MROH9: variants seen among roughly 807,000 people sequenced by gnomAD.
MROH9 encodes maestro heat like repeat family member 9.
In MROH9, 92 loss-of-function variants were observed where a neutral mutation model predicts 98.2. That is an observed-to-expected ratio of 0.94 (90% CI 0.79 to 1.11). MROH9 has a LOEUF of 1.11. Ranked by LOEUF, MROH9 falls within the 50% of genes most tolerant of loss-of-function variation. The pLI, the probability that MROH9 is intolerant of heterozygous loss-of-function variation, is 0.00. For synonymous variants in MROH9, 397 were observed against 368.9 expected, an observed-to-expected ratio of 1.08 and a Z score of -0.87; for missense variants, 1,057 against 1,014.8, an observed-to-expected ratio of 1.04 and a Z score of -0.57.
chr1:170,992,383 A>C, intron 12 of MROH9, 54 bp downstream of exon 12: 1 of 1,553,712 alleles, frequency 6.4e-7, no homozygotes, highest in Non-Finnish European at 8.7e-7. Flanking sequence ...CTGATTGTGA[A>C]AATCCCTATC....
At chr1:171,052,572 A>C (rs1653705010) in intron 20 of MROH9, among the ~76,000 whole-genome samples, 1 of 152,192 alleles carries the variant, frequency 6.6e-6, no homozygotes, top group African/African-American at 2.4e-5. Context: ...CTCTACTCAG[A>C]AAGGGAAGGG....
intron 19 of MROH9, among the ~76,000 whole-genome samples, chr1:171,025,025 T>A (rs925309506): frequency 1.3e-5 from 2 of 152,128 alleles, no homozygotes; most frequent in Non-Finnish European, 2.9e-5. Flanking sequence ...GGTATTAAGG[T>A]AGGAAGAACA....
rs1006664341 is a variant in MROH9, at chr1:171,056,760, C to T, written c.2282-5372C>T. On this transcript the variant is annotated intron_variant, in intron 20 of 21. Transcript: ENST00000367759. The stretch of plus-strand genomic sequence containing the variant: ...TGCCCCTGCCAGAAGATGGAGCAGG[C>T]ACCCATCTTTGCTGTTCTCCAGCCT... Among the ~76,000 whole-genome samples, 8 of 152,312 alleles carry T rather than the reference C, an allele frequency of 5.3e-5. No individual in the cohort carries two copies. In the East Asian group the frequency reaches 9.7e-4, roughly 18 times the overall value.
chr1:170,964,772 C>A (rs946999142), intron 6 of MROH9, among the ~76,000 whole-genome samples: 4 of 151,856 alleles, frequency 2.6e-5, no homozygotes, highest in South Asian at 2.1e-4. Flanking sequence ...CTCTTTAAAG[C>A]TGAAAGGCAG....
chr1:171,037,092 T>C (rs984931154), intron 20 of MROH9, among the ~76,000 whole-genome samples: 2 of 151,944 alleles, frequency 1.3e-5, no homozygotes, highest in African/African-American at 2.4e-5. Context: ...TTCTTTTATA[T>C]ACTTTTAATT....
At chr1:171,055,471 A>T (rs944926462) in intron 20 of MROH9, among the ~76,000 whole-genome samples, 1 of 152,004 alleles carries the variant, frequency 6.6e-6, no homozygotes, top group Admixed American at 6.5e-5. Flanking sequence ...AAATACTAAA[A>T]AATTAGCCAG....
intron 11 of MROH9, among the ~76,000 whole-genome samples, chr1:170,990,236 C>G (rs1273947025): frequency 6.6e-6 from 1 of 152,168 alleles, no homozygotes; most frequent in Non-Finnish European, 1.5e-5. Context: ...AAGATATGAC[C>G]AATGTCACTA....
chr1:170,952,023 A>G (rs1200449364), intron 3 of MROH9, among the ~76,000 whole-genome samples: 1 of 152,166 alleles, frequency 6.6e-6, no homozygotes, highest in Non-Finnish European at 1.5e-5. Context: ...TGGCCATCAG[A>G]GAAATGCAAA....
At chr1:170,996,383 T>C (rs1009892148) in intron 13 of MROH9, 124 bp from the exon 14 acceptor site, 12 of 1,030,094 alleles carry the variant, frequency 1.2e-5, no homozygotes, top group African/African-American at 1.6e-5. Context: ...TCTTTTTCCA[T>C]TGAGACATCC....
intron 8 of MROH9, among the ~76,000 whole-genome samples, chr1:170,973,646 C>T (rs918383674): frequency 3.3e-5 from 5 of 152,134 alleles, no homozygotes; most frequent in African/African-American, 9.7e-5. Flanking sequence ...GAGGCCGAGG[C>T]GGGCAGATCA....
chr1:171,038,228 C>T (rs1353814559), intron 20 of MROH9, among the ~76,000 whole-genome samples: 1 of 151,770 alleles, frequency 6.6e-6, no homozygotes, highest in Non-Finnish European at 1.5e-5. Context: ...GAAAAATGGA[C>T]GAAGTACACA....
intron 15 of MROH9, among the ~76,000 whole-genome samples, chr1:170,999,590 G>A (rs1651717614): frequency 6.6e-6 from 1 of 152,056 alleles, no homozygotes; most frequent in Admixed American, 6.6e-5. Flanking sequence ...ATGGGCATTT[G>A]GGTTGGTTCC....
At chr1:171,046,111 A>T (rs1653465531) in intron 20 of MROH9, among the ~76,000 whole-genome samples, 1 of 151,774 alleles carries the variant, frequency 6.6e-6, no homozygotes, top group South Asian at 2.1e-4. Flanking sequence ...AAGTATAGTG[A>T]CTCTTCTGAT....
At chr1:171,063,981 A>C in intron 21 of MROH9, 118 bp from the exon 22 acceptor site, 2 of 1,006,258 alleles carry the variant, frequency 2.0e-6, no homozygotes, top group Non-Finnish European at 2.9e-6. Flanking sequence ...GAGGGAATGC[A>C]GAGGAGAGAT....
chr1:171,016,157 A>G lies in MROH9; in HGVS notation c.1735-6A>G. On this transcript the variant is annotated splice_polypyrimidine_tract_variant and splice_region_variant and intron_variant, in intron 16 of 21. Transcript: ENST00000367759. ...AAATCCCACCATTTTTTCCTTTTAT[A>G]TGTAGACAGAAAATGTCAGCAGTAT... 1 of 1,449,024 alleles carries G rather than the reference A, an allele frequency of 6.9e-7. No homozygotes were observed. The highest frequency in any genetic ancestry group is 9.1e-7 in the Non-Finnish European group (1 of 1,097,794). The allele number at this position is 1,449,024 out of a possible 1,614,324, so 89.8% of individuals were successfully genotyped here. A position where few individuals can be genotyped will look rare whatever the true frequency, so the allele number is the denominator to read the frequency against.
chr1:170,976,425 A>T (rs1355170484), intron 8 of MROH9, among the ~76,000 whole-genome samples: 2 of 152,136 alleles, frequency 1.3e-5, no homozygotes, highest in African/African-American at 4.8e-5. Context: ...GCCAGATATG[A>T]AATTCTTGGT....
At chr1:171,006,446 G>A (rs11486182) in intron 15 of MROH9, among the ~76,000 whole-genome samples, 13,905 of 151,902 alleles carry the variant, frequency 0.092, 758 homozygotes, top group Middle Eastern at 0.17. Flanking sequence ...GAATCTAGAT[G>A]TTCTCTCTCT....
At chr1:170,943,160 T>C (rs1200098457) in intron 1 of MROH9, among the ~76,000 whole-genome samples, 1 of 151,640 alleles carries the variant, frequency 6.6e-6, no homozygotes, top group Non-Finnish European at 1.5e-5. Context: ...ACTGGAAAAA[T>C]ATCAAACGGC....
At chr1:171,029,224 G>A in intron 20 of MROH9, among the ~76,000 whole-genome samples, 1 of 147,194 alleles carries the variant, frequency 6.8e-6, no homozygotes, top group East Asian at 2.0e-4. Flanking sequence ...AGAGGGTTTT[G>A]TTTTTTTTTT....
Sources: gnomAD v4.1 joint callset for allele counts (sites outside exome capture counted in the v4.1 genomes callset) on GRCh38, gnomAD v4.1.1 for gene constraint, MANE v1.5 for transcripts, NCBI Gene and HGNC (gene_info 2026-07-23, HGNC 2026-07-21) for gene names.